The following PARVB variants were observed in gnomAD, a reference collection of about 807,000 sequenced individuals.
The protein encoded by PARVB is beta-parvin.
Under a neutral mutation model 47.0 loss-of-function variants are expected in PARVB, and 46 were observed. That is an observed-to-expected ratio of 0.98 (90% CI 0.77 to 1.25). PARVB has a LOEUF of 1.25. Ranked by LOEUF, PARVB falls within the 50% of genes most tolerant of loss-of-function variation. The pLI is 0.00. For missense variants in PARVB, 473 were observed against 471.6 expected (o/e 1.00, Z -0.03); for synonymous variants, 196 against 196.3 (o/e 1.00, Z 0.01).
chr22:44,083,823 A>C (rs2051963466), intron 1 of PARVB, among the ~76,000 whole-genome samples: 1 of 152,170 alleles, frequency 6.6e-6, no homozygotes, highest in Non-Finnish European at 1.5e-5. Flanking sequence ...GCACTGCAGC[A>C]GGGAGTGACC....
chr22:44,023,378 G>T (rs1470788236), upstream of PARVB, among the ~76,000 whole-genome samples: 1 of 151,944 alleles, frequency 6.6e-6, no homozygotes, highest in African/African-American at 2.4e-5. Flanking sequence ...GGTCGTGGTG[G>T]CGTGCACCTG....
rs2054230434 is a variant in PARVB, at chr22:44,168,790, T to A, written c.*112T>A. On this transcript the variant is annotated 3_prime_UTR_variant, in exon 13 of 13. Coordinates refer to ENST00000338758, the MANE Select transcript of PARVB (RefSeq NM_013327.5). Reference sequence around the variant, plus strand: ...CCATGGGCTTCTGGTCCAAGCTGTGTTGACTGTCATCCCCACCCCACCCCT... The same window carrying A: ...CCATGGGCTTCTGGTCCAAGCTGTGATGACTGTCATCCCCACCCCACCCCT... 1.4e-6 allele frequency: 1 copy of A among 712,566 alleles called. No individual in the cohort carries two copies. Among genetic ancestry groups the A allele is most frequent in the Non-Finnish European group, 2.5e-6 (1 of 400,270 alleles). 44.1% of individuals were successfully genotyped at this position (712,566 alleles called of 1,614,324 possible).
intron 2 of PARVB, among the ~76,000 whole-genome samples, chr22:44,094,360 C>G (rs1163881439): frequency 6.6e-6 from 1 of 151,052 alleles, no homozygotes; most frequent in Non-Finnish European, 1.5e-5. Context: ...CCATGCCACG[C>G]CATGCCACGC....
chr22:44,162,950 G>A (rs1337385854), intron 11 of PARVB: 1 of 152,238 alleles, frequency 6.6e-6, no homozygotes, highest in Non-Finnish European at 1.5e-5. Flanking sequence ...ACAGGACCAA[G>A]GTCCTGCAGG....
At chr22:44,023,546 A>AC (rs1555892767), upstream of PARVB, among the ~76,000 whole-genome samples, 18 of 61,664 alleles carry the variant, frequency 2.9e-4, no homozygotes, top group African/African-American at 2.1e-3. Flanking sequence ...ACAAAATAAA[A>AC]TAAAATAAAA....
chr22:44,146,994 A>G (rs959094666), intron 8 of PARVB: 8 of 153,158 alleles, frequency 5.2e-5, no homozygotes, highest in African/African-American at 1.9e-4. Flanking sequence ...GTCTACCTGG[A>G]GACCTCAGCC....
chr22:44,151,277 G>A (rs146408859), intron 9 of PARVB: 2 of 535,952 alleles, frequency 3.7e-6, no homozygotes, highest in Non-Finnish European at 6.8e-6. Context: ...GAGACGTGTA[G>A]CCAGGATAGA....
chr22:44,010,999 C>G (rs980965036), intron 2 of PARVB, among the ~76,000 whole-genome samples: 1 of 150,402 alleles, frequency 6.6e-6, no homozygotes, highest in South Asian at 2.1e-4. Context: ...TCACGTCATT[C>G]TCCTGCCTCA....
chr22:44,058,857 C>T (rs574584147), intron 1 of PARVB, among the ~76,000 whole-genome samples: 11 of 150,894 alleles, frequency 7.3e-5, no homozygotes, highest in Non-Finnish European at 1.6e-4. Context: ...GCCCATCGGA[C>T]GTGGATTTTG....
intron 4 of PARVB, among the ~76,000 whole-genome samples, chr22:44,126,078 T>C (rs133907): frequency 1 from 151,987 of 152,240 alleles, 75,867 homozygotes; most frequent in Middle Eastern, 1. Flanking sequence ...TACCTGCCCT[T>C]TTGGAGGTGA....
At chr22:44,080,052 C>T (rs1213105317) in intron 1 of PARVB, among the ~76,000 whole-genome samples, 1 of 152,350 alleles carries the variant, frequency 6.6e-6, no homozygotes, top group Admixed American at 6.5e-5. Flanking sequence ...TGGTCAGATG[C>T]GTCCTCTGTG....
exon 2 of PARVB, chr22:43,999,567 C>T (rs778965293): frequency 1.2e-6 from 2 of 1,610,670 alleles, no homozygotes; most frequent in African/African-American, 1.3e-5. Flanking sequence ...GGTGTTCCTG[C>T]AGCTGGGGCC....
chr22:44,121,202 G>A (rs75572768), intron 4 of PARVB, among the ~76,000 whole-genome samples: 277 of 152,078 alleles, frequency 1.8e-3, no homozygotes, highest in Non-Finnish European at 3.4e-3. Flanking sequence ...CAGGGTCCTT[G>A]CTTTGTTGCC....
chr22:44,039,586 G>A (rs2050981273), intron 1 of PARVB, among the ~76,000 whole-genome samples: 2 of 151,858 alleles, frequency 1.3e-5, no homozygotes, highest in South Asian at 4.2e-4. Context: ...GAAGACTCTT[G>A]TACAGGAATG....
rs1263788600 is a variant in PARVB, at chr22:44,068,099, C to T, written c.113-25829C>T. ...CTCCCGTGGGCCTCACCGCTTCCTG[C>T]TTCAGCAGAACTGGGATTGTCAGTT... On this transcript the variant is annotated intron_variant, in intron 1 of 12. Coordinates refer to ENST00000338758, the MANE Select transcript of PARVB (RefSeq NM_013327.5). The surrounding 1 kb of genome is among the most constrained non-coding windows in gnomAD (Gnocchi z 4.1). 5.7e-5 allele frequency among the ~76,000 whole-genome samples: 3 copies of T among 52,856 alleles called. No homozygotes were observed. The highest frequency in any genetic ancestry group is 1.9e-3 in the South Asian group (2 of 1,068). 34.7% of individuals were successfully genotyped at this position (52,856 alleles called of 152,430 possible). A position where few individuals can be genotyped will look rare whatever the true frequency, so the allele number is the denominator to read the frequency against.
At chr22:44,013,112 G>A (rs1170190334) in intron 2 of PARVB, among the ~76,000 whole-genome samples, 1 of 152,078 alleles carries the variant, frequency 6.6e-6, no homozygotes, top group Non-Finnish European at 1.5e-5. Flanking sequence ...TGGCCAGGCT[G>A]ATCTCAAACT....
chr22:44,141,415 G>A (rs1001949033), intron 8 of PARVB: 4 of 152,254 alleles, frequency 2.6e-5, no homozygotes, highest in South Asian at 2.1e-4. Context: ...AAGGCAGGAA[G>A]CATCCAGTAT....
chr22:44,120,289 G>T (rs1435766783), intron 4 of PARVB, among the ~76,000 whole-genome samples: 1 of 152,216 alleles, frequency 6.6e-6, no homozygotes, highest in Non-Finnish European at 1.5e-5. Context: ...CTTTTGTTTG[G>T]ATCCAGGAGT....
In PARVB at chr22:44,101,720, C is replaced by G. The variant is rs1284095555; in HGVS notation, c.273+1597C>G. ...CCGAGATCTCGCCACTGCACTCCAGCCTGGGCACCAAGAGTAAAACTCCAT... is the reference window on the plus strand; with the variant it reads ...CCGAGATCTCGCCACTGCACTCCAGGCTGGGCACCAAGAGTAAAACTCCAT... On this transcript the variant is annotated intron_variant, in intron 3 of 12. Transcript: ENST00000338758. Among the ~76,000 whole-genome samples the G allele has an allele frequency of 3.3e-5, 5 of 151,420 alleles. No homozygotes were observed. The East Asian group carries it at 7.7e-4, about 23-fold the overall frequency.
Sources: allele counts gnomAD v4.1 joint callset (sites outside exome capture counted in the v4.1 genomes callset), GRCh38; gene constraint gnomAD v4.1.1; non-coding constraint Gnocchi (gnomAD v3.1); transcripts MANE v1.5; gene names NCBI Gene and HGNC (gene_info 2026-07-23, HGNC 2026-07-21).